TENM3: variants seen among roughly 807,000 people sequenced by gnomAD.
TENM3 encodes the protein teneurin-3.
In TENM3, 63 loss-of-function variants were observed where a neutral mutation model predicts 255.1. That is an observed-to-expected ratio of 0.25 (90% CI 0.20 to 0.30). The LOEUF is 0.30. Ranked by LOEUF, TENM3 falls within the 10% of genes least tolerant of loss-of-function variation. TENM3 has a pLI of 1.00. For synonymous variants in TENM3, 1,306 were observed against 1,322.3 expected, an observed-to-expected ratio of 0.99 and a Z score of 0.27; for missense variants, 2,929 against 3,461.1, an observed-to-expected ratio of 0.85 and a Z score of 3.86.
chr4:181,676,276 G>A, the TENM3 span, among the ~76,000 whole-genome samples: 434 of 152,248 alleles, frequency 2.9e-3, 11 homozygotes, highest in Admixed American at 0.027. Context: ...TATAACATGG[G>A]AGATTAAAAA....
At chr4:182,100,656 T>TATACACATATAC in the TENM3 span, among the ~76,000 whole-genome samples, 1 of 49,670 alleles carries the variant, frequency 2.0e-5, no homozygotes. Flanking sequence ...TACACATATA[T>TATACACATATAC]ACACATATAT....
intron 3 of TENM3, among the ~76,000 whole-genome samples, chr4:182,558,049 T>A (rs1742752493): frequency 6.6e-6 from 1 of 152,162 alleles, no homozygotes; most frequent in Admixed American, 6.6e-5. Flanking sequence ...ACGATCCGAT[T>A]TCCTTCCCTT....
chr4:182,585,462 G>T (rs77262595), intron 3 of TENM3, among the ~76,000 whole-genome samples: 1 of 152,112 alleles, frequency 6.6e-6, no homozygotes, highest in Non-Finnish European at 1.5e-5. Context: ...TGATCCTGCC[G>T]CATTAGCATC....
chr4:182,062,634 C>T, the TENM3 span, among the ~76,000 whole-genome samples: 1 of 152,204 alleles, frequency 6.6e-6, no homozygotes, highest in Non-Finnish European at 1.5e-5. Flanking sequence ...GCTTTCCTAA[C>T]TATTTGTCTG....
chr4:182,225,605 G>A lies in TENM3; in HGVS notation c.-76+80851G>A, dbSNP rs562606807. ...CGACAGCGGGAGATGAACACAAAAT[G>A]ATCTGAGGCCCACGGGAGGAGCCTT... On this transcript the variant is annotated intron_variant, in intron 1 of 2. Transcript: ENST00000512480. Among the ~76,000 whole-genome samples the A allele has an allele frequency of 2.6e-5, 4 of 152,264 alleles. No individual in the cohort carries two copies. The South Asian group carries it at 8.3e-4, about 32-fold the overall frequency.
the TENM3 span, among the ~76,000 whole-genome samples, chr4:181,820,492 C>G: frequency 6.6e-6 from 1 of 151,268 alleles, no homozygotes; most frequent in South Asian, 2.1e-4. Flanking sequence ...TTTAAACACA[C>G]ACACACACAC....
At chr4:182,451,583 C>G (rs1773466086) in intron 3 of TENM3, among the ~76,000 whole-genome samples, 1 of 152,144 alleles carries the variant, frequency 6.6e-6, no homozygotes, top group Non-Finnish European at 1.5e-5. Flanking sequence ...ATAATTAATG[C>G]TGTAAAATAG....
chr4:182,003,680 A>G, the TENM3 span, among the ~76,000 whole-genome samples: 3 of 152,146 alleles, frequency 2.0e-5, no homozygotes, highest in Admixed American at 6.5e-5. Flanking sequence ...AAGGGAAATT[A>G]TATCTCACTA....
chr4:182,755,626 C>G (rs1762683342), intron 22 of TENM3, among the ~76,000 whole-genome samples: 1 of 152,102 alleles, frequency 6.6e-6, no homozygotes, highest in Non-Finnish European at 1.5e-5. Flanking sequence ...ATCACGAGGT[C>G]AGAAGATCGA....
At chr4:181,821,564 A>G in the TENM3 span, 1 of 152,256 alleles carries the variant, frequency 6.6e-6, no homozygotes, top group East Asian at 1.9e-4. Flanking sequence ...ACCTGTTTGT[A>G]GCAGCCTTGC....
intron 3 of TENM3, among the ~76,000 whole-genome samples, chr4:182,551,691 G>C (rs530703595): frequency 6.6e-6 from 1 of 152,224 alleles, no homozygotes; most frequent in African/African-American, 2.4e-5. Context: ...TGATAATTGT[G>C]TAGTGGTATT....
At chr4:181,983,718 A>G in the TENM3 span, among the ~76,000 whole-genome samples, 1 of 152,134 alleles carries the variant, frequency 6.6e-6, no homozygotes, top group Admixed American at 6.6e-5. Flanking sequence ...TTATTAGAAT[A>G]TATGCACTGG....
At chr4:182,201,271 TG>T in intron 1 of TENM3, among the ~76,000 whole-genome samples, 1 of 152,358 alleles carries the variant, frequency 6.6e-6, no homozygotes, top group Admixed American at 6.5e-5. Context: ...TTCATTTTAA[TG>T]TTTTTTTCTT....
intron 1 of TENM3, among the ~76,000 whole-genome samples, chr4:182,198,318 G>A (rs184283816): frequency 1.9e-3 from 282 of 152,284 alleles, no homozygotes; most frequent in African/African-American, 6.3e-3. Flanking sequence ...TACACCTTAG[G>A]TTGTATTACT....
intron 3 of TENM3, among the ~76,000 whole-genome samples, chr4:182,567,842 C>CA (rs199801857): frequency 0.33 from 42,122 of 126,714 alleles, 7,553 homozygotes; most frequent in East Asian, 0.5. Flanking sequence ...GAATGTAATC[C>CA]AAAAAAAAAA....
chr4:181,702,744 G>T, the TENM3 span, among the ~76,000 whole-genome samples: 2 of 151,982 alleles, frequency 1.3e-5, no homozygotes, highest in Non-Finnish European at 2.9e-5. Flanking sequence ...GCATATACAG[G>T]TGTAGTATTC....
chr4:182,228,396 A>ATG lies in TENM3; in HGVS notation c.-76+83644_-76+83645dup, dbSNP rs1756342250. Among the ~76,000 whole-genome samples, 2 of 128,830 alleles carry ATG rather than the reference A, an allele frequency of 1.6e-5. 1 individual carries two copies. Among genetic ancestry groups the ATG allele is most frequent in the African/African-American group, 6.7e-5 (2 of 29,636 alleles). 84.5% of individuals were successfully genotyped at this position (128,830 alleles called of 152,430 possible). On this transcript the variant is annotated intron_variant, in intron 1 of 2. Transcript: ENST00000512480. Reference sequence around the variant, plus strand: ...TGTGTGTGTGTGTGTGTGTGTGTATATGTAATCCCTCCCAGCTCTAAAATT... The same window carrying ATG: ...TGTGTGTGTGTGTGTGTGTGTGTATATGTGTAATCCCTCCCAGCTCTAAAATT...
chr4:182,486,308 T>TTG (rs1192743967), intron 3 of TENM3, among the ~76,000 whole-genome samples: 9 of 52,706 alleles, frequency 1.7e-4, no homozygotes, highest in Admixed American at 3.1e-4. Flanking sequence ...AGTATTTTAA[T>TTG]TGTGTGTGGG....
chr4:182,221,496 A>G (rs1047033083), intron 1 of TENM3, among the ~76,000 whole-genome samples: 1 of 152,212 alleles, frequency 6.6e-6, no homozygotes, highest in African/African-American at 2.4e-5. Flanking sequence ...AAAATACCAG[A>G]GCTGAAATCA....
Sources: allele counts gnomAD v4.1 joint callset (sites outside exome capture counted in the v4.1 genomes callset), GRCh38; gene constraint gnomAD v4.1.1; transcripts MANE v1.5; gene names NCBI Gene and HGNC (gene_info 2026-07-23, HGNC 2026-07-21).